The following WRAP73 variants were observed in gnomAD, a reference collection of about 807,000 sequenced individuals.
The protein encoded by WRAP73 is WD repeat-containing protein WRAP73.
A neutral mutation model predicts 59.6 loss-of-function variants in WRAP73; 55 were observed. The ratio of observed to expected loss-of-function variants is 0.92; its 90% CI spans 0.74 to 1.15. The LOEUF (loss-of-function observed/expected upper bound fraction) is 1.15, where lower values mean the gene tolerates loss of function less well. Ranked by LOEUF, WRAP73 falls within the 50% of genes most tolerant of loss-of-function variation. WRAP73 has a pLI of 0.00. For synonymous variants in WRAP73, 265 were observed against 258.2 expected, an observed-to-expected ratio of 1.03 and a Z score of -0.25; for missense variants, 592 against 608.1, an observed-to-expected ratio of 0.97 and a Z score of 0.28.
chr1:3,647,459 C>G lies in WRAP73; in HGVS notation c.171G>C (p.Ser57=), dbSNP rs764898138. The stretch of plus-strand genomic sequence containing the variant: ...CGCACAGGATGAAGAGCGAGTCTGC[C>G]GACCACTCGATGTGCTGGATCTGGT... ...CLDQIQHIEW[S]ADSLFILCAM... The change falls in exon 2 of 12, where the codon TCG becomes TCC. Residue 57 remains serine (S), a synonymous_variant. Coordinates refer to ENST00000270708, the MANE Select transcript of WRAP73 (RefSeq NM_017818.4). 1 of 1,613,732 alleles carries G rather than the reference C, an allele frequency of 6.2e-7. No individual in the cohort carries two copies. The highest frequency in any genetic ancestry group is 1.3e-5 in the African/African-American group (1 of 74,902).
chr1:3,644,554 A>G (rs1054309420), intron 3 of WRAP73, among the ~76,000 whole-genome samples: 11 of 152,232 alleles, frequency 7.2e-5, no homozygotes, highest in African/African-American at 2.2e-4. Context: ...CAACCATTAA[A>G]GTTCGCATGC....
At chr1:3,649,491 TGTGCAGTCGGCACTGCCGATAC>T (rs1465983156) in intron 1 of WRAP73, among the ~76,000 whole-genome samples, 2 of 152,184 alleles carry the variant, frequency 1.3e-5, no homozygotes, top group Non-Finnish European at 2.9e-5. Flanking sequence ...CCCTCACCTG[TGTGCAGTCGGCACTGCCGATAC>T]CCACCTTTCC....
At position 3,650,013 on chromosome 1, in the gene WRAP73, C is replaced by T; in HGVS notation, c.-14G>A. The T allele has an allele frequency of 1.9e-6, 3 of 1,585,186 alleles. No homozygotes were observed. The highest frequency in any genetic ancestry group is 2.6e-6 in the Non-Finnish European group (3 of 1,168,162). On this transcript the variant is annotated 5_prime_UTR_variant, in exon 1 of 12. Transcript: ENST00000270708. ...GGAGAAGTTCATGGCCGCCGCCTGC[C>T]GCGGGCGCCACCCTGCGCCCGAAAA...
chr1:3,649,741 G>T (rs1314588178), intron 1 of WRAP73, among the ~76,000 whole-genome samples, 190 bp downstream of exon 1: 2 of 149,146 alleles, frequency 1.3e-5, no homozygotes, highest in Non-Finnish European at 3.0e-5. Flanking sequence ...CCTGGGTCCC[G>T]CACCTGTCTG....
At chr1:3,643,585 C>T (rs942725131) in intron 3 of WRAP73, among the ~76,000 whole-genome samples, 51 of 139,898 alleles carry the variant, frequency 3.6e-4, no homozygotes, top group Non-Finnish European at 1.6e-4. Flanking sequence ...GAAATGGGGT[C>T]GCGCCTTCGG....
intron 3 of WRAP73, among the ~76,000 whole-genome samples, chr1:3,641,405 C>T (rs1009845520): frequency 6.6e-6 from 1 of 152,176 alleles, no homozygotes; most frequent in Non-Finnish European, 1.5e-5. Context: ...CACACCATGA[C>T]CCAGCACTCT....
Position 3,633,467 on chromosome 1 carries a change from C to T in WRAP73, c.853G>A (p.Gly285Arg), listed in dbSNP as rs570760038. 2.7e-5 allele frequency: 44 copies of T among 1,610,556 alleles called. No individual in the cohort carries two copies. The highest frequency in any genetic ancestry group is 3.6e-5 in the Non-Finnish European group (43 of 1,179,328). The change falls in exon 9 of 12, where the codon GGA becomes AGA. Residue 285 changes from glycine (G) to arginine (R), a missense_variant. Physicochemically the swap from Gly to Arg is moderately radical, Grantham distance 125. Transcript: ENST00000270708. Reference sequence around the variant, plus strand: ...GGCGGGAAGGAGAGGCAGCCCAGTCCCAGCTGTGGGCTCTTCTCGGCCTCC... The same window carrying T: ...GGCGGGAAGGAGAGGCAGCCCAGTCTCAGCTGTGGGCTCTTCTCGGCCTCC... ...YKEAEKSPQL[G>R]LGCLSFPPPR...
chr1:3,635,251 G>C lies in WRAP73; in HGVS notation c.647C>G (p.Thr216Arg), dbSNP rs770807708. The C allele has an allele frequency of 5.0e-6, 8 of 1,614,020 alleles. No homozygotes were observed. In the Admixed American group the frequency reaches 1.3e-4, roughly 27 times the overall value. ...LYSLDGRLLS[T>R]YSAYEWSLGI... ...CAGGGACCACTCGTAAGCGCTGTAC[G>C]TGGACAACAACCGGCCATCCAATGA... Residue 216 changes from threonine to arginine, a missense_variant, in exon 7 of 12, where the codon ACG becomes AGG. Physicochemically the swap from Thr to Arg is moderately conservative, Grantham distance 71 (BLOSUM62 -1). Coordinates refer to ENST00000270708, the MANE Select transcript of WRAP73 (RefSeq NM_017818.4).
rs200041379 is a variant in WRAP73, at chr1:3,638,739, G to A, written c.412+11C>T. On this transcript the variant is annotated intron_variant, in intron 4 of 11. Transcript: ENST00000270708. The stretch of plus-strand genomic sequence containing the variant: ...AAAGAAATGGCTTTTGCGTGGCTCC[G>A]ATCGACTCACCCTGCAGACAAGCTT... The A allele has an allele frequency of 9.9e-6, 16 of 1,613,960 alleles. No homozygotes were observed. The East Asian group carries it at 1.8e-4, about 18-fold the overall frequency.
rs543226576 is a variant in WRAP73 at position 3,647,620 on chromosome 1, G to A, written c.70-60C>T. 5.3e-5 allele frequency: 83 copies of A among 1,575,262 alleles called. 2 individuals carry two copies. In the African/African-American group the frequency reaches 7.7e-4, roughly 15 times the overall value. ...TCCACTCCAAAAGAGGGGGGCCTTC[G>A]GAATGCTACTGCCCTGGCCTTCAGT... On this transcript the variant is annotated intron_variant, in intron 1 of 11. Coordinates refer to ENST00000270708, the MANE Select transcript of WRAP73 (RefSeq NM_017818.4).
Position 3,650,091 on chromosome 1 carries a change from GA to G in WRAP73, c.-93del. On this transcript the variant is annotated 5_prime_UTR_variant, in exon 1 of 12. Transcript: ENST00000270708. ...GCTGCAACAGCCGACGCCGGCCTCC[GA>G]GGCCGGAAGTCAGAAGGCGGAAGTG... The G allele has an allele frequency of 7.5e-7, 1 of 1,335,238 alleles. No individual in the cohort carries two copies. Among genetic ancestry groups the G allele is most frequent in the African/African-American group, 1.6e-5 (1 of 64,066 alleles). 82.7% of individuals were successfully genotyped at this position (1,335,238 alleles called of 1,614,324 possible). A position where few individuals can be genotyped will look rare whatever the true frequency, so the allele number is the denominator to read the frequency against.
intron 4 of WRAP73, among the ~76,000 whole-genome samples, chr1:3,637,930 C>G (rs1370875648): frequency 6.6e-6 from 1 of 152,176 alleles, no homozygotes; most frequent in Admixed American, 6.5e-5. Flanking sequence ...AAGCCCTAGG[C>G]CAGAATTCAT....
chr1:3,631,442 C>T (rs375689474), intron 11 of WRAP73, 24 bp downstream of exon 11: 1 of 1,566,240 alleles, frequency 6.4e-7, no homozygotes, highest in Non-Finnish European at 8.7e-7. Context: ...GCTGCCACGT[C>T]CGTGGCCTCG....
chr1:3,642,255 C>T (rs1481260570), intron 3 of WRAP73, among the ~76,000 whole-genome samples: 1 of 152,148 alleles, frequency 6.6e-6, no homozygotes, highest in African/African-American at 2.4e-5. Flanking sequence ...ATCTGACAGA[C>T]TACAAGAGCA....
At chr1:3,635,479 A>C (rs1161844086) in intron 6 of WRAP73, 185 bp from the exon 7 acceptor site, 1 of 776,774 alleles carries the variant, frequency 1.3e-6, no homozygotes, top group Non-Finnish European at 2.0e-6. Context: ...CAGTGAGAGC[A>C]TGAGGAAAAA....
intron 3 of WRAP73, among the ~76,000 whole-genome samples, chr1:3,644,496 C>T (rs1041691268): frequency 2.4e-4 from 37 of 152,352 alleles, no homozygotes; most frequent in African/African-American, 8.7e-4. Context: ...GCCCGCAGCT[C>T]ACTTCCTGGC....
At chr1:3,649,842 C>T in intron 1 of WRAP73, 89 bp downstream of exon 1, 1 of 1,433,558 alleles carries the variant, frequency 7.0e-7, no homozygotes, top group South Asian at 1.3e-5. Context: ...CCCAAGCTGC[C>T]TCCACCCACG....
intron 3 of WRAP73, among the ~76,000 whole-genome samples, chr1:3,641,685 C>A (rs946734636): frequency 6.6e-6 from 1 of 152,238 alleles, no homozygotes; most frequent in Admixed American, 6.5e-5. Context: ...TGCAAAGTGA[C>A]TCACTCAACT....
rs765572196 is a variant in WRAP73 at position 3,632,303 on chromosome 1, G to A, written c.958C>T (p.Leu320=). 10 of 1,614,060 alleles carry A rather than the reference G, an allele frequency of 6.2e-6. No homozygotes were observed. Among genetic ancestry groups the A allele is most frequent in the Non-Finnish European group, 8.5e-6 (10 of 1,180,046 alleles). ...TTTGCTCTGTCGGTAACAGGTTTCA[G>A]TGTCTGTAAGGAGACTGGGACAGAG... The part of the protein sequence containing the change: ...IASVPVSLQT[L]KPVTDRANPK... The change falls in exon 10 of 12, where the codon CTG becomes TTG. Residue 320 remains leucine (L), a synonymous_variant. Transcript: ENST00000270708.
Sources: allele counts gnomAD v4.1 joint callset (sites outside exome capture counted in the v4.1 genomes callset), GRCh38; gene constraint gnomAD v4.1.1; transcripts MANE v1.5; gene names NCBI Gene and HGNC (gene_info 2026-07-23, HGNC 2026-07-21).